ANKRD62: variants seen among roughly 807,000 people sequenced by gnomAD.
ANKRD62 encodes the protein ankyrin repeat domain-containing protein 62.
In ANKRD62, 61 loss-of-function variants were observed where a neutral mutation model predicts 98.8. The ratio of observed to expected loss-of-function variants is 0.62; its 90% CI spans 0.50 to 0.76. The LOEUF is 0.76. Ranked by LOEUF, ANKRD62 falls within the 30% of genes least tolerant of loss-of-function variation. The pLI is 0.00. For synonymous variants in ANKRD62, 341 were observed against 367.9 expected (o/e 0.93, Z 0.84); for missense variants, 933 against 1,082.9 (o/e 0.86, Z 1.94).
intron 5 of ANKRD62, 50 bp downstream of exon 5, chr18:12,097,827 G>A (rs1909214420): frequency 6.6e-7 from 1 of 1,520,442 alleles, no homozygotes; most frequent in African/African-American, 1.4e-5. Flanking sequence ...TAAAGTCATT[G>A]TAACCATTGC....
the ANKRD62 span, among the ~76,000 whole-genome samples, chr18:12,153,619 G>GAAA: frequency 3.4e-5 from 5 of 147,610 alleles, no homozygotes; most frequent in African/African-American, 9.9e-5. Flanking sequence ...AAGAAAGAAA[G>GAAA]AAAAAAATGA....
the ANKRD62 span, among the ~76,000 whole-genome samples, chr18:12,152,177 C>A: frequency 1.0e-4 from 7 of 68,266 alleles, no homozygotes; most frequent in Admixed American, 3.5e-4. Flanking sequence ...GAAATGCTTC[C>A]AAAAAAAAAA....
intron 8 of ANKRD62, among the ~76,000 whole-genome samples, chr18:12,110,505 A>C (rs1909516108): frequency 6.6e-6 from 1 of 152,340 alleles, no homozygotes; most frequent in East Asian, 1.9e-4. Context: ...GTAATTAATC[A>C]TTATAAAAGT....
Position 12,128,236 on chromosome 18 carries a change from A to G in ANKRD62, c.*297A>G, listed in dbSNP as rs1598739418. The G allele has an allele frequency of 6.0e-6, 1 of 166,730 alleles. No individual in the cohort carries two copies. Among genetic ancestry groups the G allele is most frequent in the Non-Finnish European group, 1.3e-5 (1 of 78,172 alleles). 10.3% of individuals were successfully genotyped at this position (166,730 alleles called of 1,614,324 possible). On this transcript the variant is annotated 3_prime_UTR_variant, in exon 14 of 14. Transcript: ENST00000587848. ...GACAAGCCAGATTAATTCAGAGGATAATGTCTAATGGAATGTTTCAGAAAA... is the reference window on the plus strand; with the variant it reads ...GACAAGCCAGATTAATTCAGAGGATGATGTCTAATGGAATGTTTCAGAAAA...
the ANKRD62 span, among the ~76,000 whole-genome samples, chr18:12,181,114 A>G: frequency 2.0e-5 from 3 of 151,640 alleles, no homozygotes; most frequent in Non-Finnish European, 4.4e-5. Context: ...CAAGGAGGAC[A>G]TAATAATTTT....
At chr18:12,167,084 C>T in the ANKRD62 span, among the ~76,000 whole-genome samples, 3,021 of 151,090 alleles carry the variant, frequency 0.02, 98 homozygotes, top group African/African-American at 0.068. Context: ...TAGCATTCCA[C>T]GGTGTACATG....
downstream of ANKRD62, among the ~76,000 whole-genome samples, chr18:12,133,360 C>T (rs1404346388): frequency 1.3e-5 from 2 of 152,118 alleles, no homozygotes; most frequent in Non-Finnish European, 2.9e-5. Context: ...TTATGAATAA[C>T]GTACTGTGGA....
the ANKRD62 span, among the ~76,000 whole-genome samples, chr18:12,155,553 G>A: frequency 6.6e-6 from 1 of 152,160 alleles, no homozygotes; most frequent in South Asian, 2.1e-4. Flanking sequence ...CACTACTGTT[G>A]AGGCTGTCAA....
chr18:12,168,162 G>T, the ANKRD62 span, among the ~76,000 whole-genome samples: 7 of 152,028 alleles, frequency 4.6e-5, no homozygotes, highest in Admixed American at 1.3e-4. Flanking sequence ...GTCAATTTTG[G>T]CTTTTGTTGC....
rs1568066404 is a variant in ANKRD62, at chr18:12,126,098, A to G, written c.2277A>G (p.Gln759=). The G allele has an allele frequency of 6.5e-7, 1 of 1,536,174 alleles. No individual in the cohort carries two copies. The highest frequency in any genetic ancestry group is 2.0e-5 in the Admixed American group (1 of 50,994). The change falls in exon 13 of 14, where the codon CAA becomes CAG. Residue 759 remains glutamine, a synonymous_variant. Transcript: ENST00000587848. ...EDIEHMYQND[Q]PILEKYVRKQ... ...TTGAACACATGTACCAAAATGACCAACCTATTTTGGAAAAATACGTGAGAA... is the reference window on the plus strand; with the variant it reads ...TTGAACACATGTACCAAAATGACCAGCCTATTTTGGAAAAATACGTGAGAA...
the ANKRD62 span, among the ~76,000 whole-genome samples, chr18:12,141,182 C>T: frequency 2.0e-5 from 3 of 152,182 alleles, no homozygotes; most frequent in African/African-American, 7.2e-5. Flanking sequence ...CCTGGTGTGC[C>T]GTTTGTTAAG....
the ANKRD62 span, among the ~76,000 whole-genome samples, chr18:12,168,041 G>A: frequency 2.8e-3 from 433 of 152,070 alleles, 2 homozygotes; most frequent in South Asian, 0.02. Context: ...TTAGCCCTTT[G>A]TCCAATGGGT....
chr18:12,138,033 G>A, the ANKRD62 span, among the ~76,000 whole-genome samples: 1 of 152,020 alleles, frequency 6.6e-6, no homozygotes, highest in Non-Finnish European at 1.5e-5. Flanking sequence ...GGTTTTTTGT[G>A]TCTCTATCTC....
At chr18:12,112,960 A>G (rs899566990) in intron 8 of ANKRD62, among the ~76,000 whole-genome samples, 5 of 152,056 alleles carry the variant, frequency 3.3e-5, no homozygotes, top group African/African-American at 1.2e-4. Flanking sequence ...CAGTGCTGTG[A>G]TCTCCACTCA....
chr18:12,116,618 C>G (rs530266816), intron 10 of ANKRD62, among the ~76,000 whole-genome samples: 35 of 152,270 alleles, frequency 2.3e-4, no homozygotes, highest in African/African-American at 8.4e-4. Flanking sequence ...CATCCTGTAC[C>G]AGTGGCCAAC....
chr18:12,168,993 G>C, the ANKRD62 span, among the ~76,000 whole-genome samples: 1 of 152,280 alleles, frequency 6.6e-6, no homozygotes, highest in Admixed American at 6.5e-5. Context: ...TGTATCCTGA[G>C]ACTTTGCTGA....
chr18:12,140,309 G>A, the ANKRD62 span, among the ~76,000 whole-genome samples: 2,883 of 152,114 alleles, frequency 0.019, 84 homozygotes, highest in African/African-American at 0.065. Context: ...CCTGTAGCTC[G>A]GAGTAGTTTG....
intron 6 of ANKRD62, 146 bp from the exon 7 acceptor site, chr18:12,103,012 T>G: frequency 1.7e-6 from 1 of 602,746 alleles, no homozygotes; most frequent in African/African-American, 1.9e-5. Flanking sequence ...TCTTAAGAAG[T>G]AGATATATCG....
chr18:12,134,426 C>A (rs1910049584), downstream of ANKRD62, among the ~76,000 whole-genome samples: 1 of 151,908 alleles, frequency 6.6e-6, no homozygotes, highest in African/African-American at 2.4e-5. Context: ...GCACAACGTG[C>A]AGGTTTGTTA....
Sources: allele counts gnomAD v4.1 joint callset (sites outside exome capture counted in the v4.1 genomes callset), GRCh38; gene constraint gnomAD v4.1.1; transcripts MANE v1.5; gene names NCBI Gene and HGNC (gene_info 2026-07-23, HGNC 2026-07-21).